The following ZNF777 variants were observed in gnomAD, a reference collection of about 807,000 sequenced individuals.
ZNF777 encodes zinc finger protein 777.
A neutral mutation model predicts 72.1 loss-of-function variants in ZNF777; 7 were observed. The ratio of observed to expected loss-of-function variants is 0.10; its 90% CI spans 0.06 to 0.18. The LOEUF (loss-of-function observed/expected upper bound fraction) is 0.18. Ranked by LOEUF, ZNF777 falls within the 10% of genes least tolerant of loss-of-function variation. The probability of loss-of-function intolerance (pLI) is 1.00; values close to 1 mark genes in which losing one functional copy is unlikely to be tolerated. For missense variants in ZNF777, 828 were observed against 1,128.6 expected, an observed-to-expected ratio of 0.73 and a Z score of 3.82; for synonymous variants, 545 against 483.5, an observed-to-expected ratio of 1.13 and a Z score of -1.67.
At chr7:149,459,649 G>A in intron 1 of ZNF777, 9 of 985,188 alleles carry the variant, frequency 9.1e-6, no homozygotes, top group Non-Finnish European at 1.1e-5. Flanking sequence ...CCGTGCCACG[G>A]ATGCCTTGCT....
Position 149,431,936 on chromosome 7 carries a change from T to G in ZNF777, c.2336A>C (p.His779Pro). The change falls in exon 6 of 6, where the codon CAC becomes CCC. Residue 779 changes from histidine to proline, a missense_variant. By Grantham distance (77) the His-to-Pro change is moderately conservative (BLOSUM62 -2). This residue lies in a region of ZNF777 where 49 missense variants were observed against 135.8 expected (regional missense o/e 0.36). Coordinates refer to ENST00000247930, the MANE Select transcript of ZNF777 (RefSeq NM_015694.3). ...GAAGCGCTTGCCGCACTCGGCGCAGTGGTAGGGCCGCTCGCCTGTGTGGAT... is the reference window on the plus strand; with the variant it reads ...GAAGCGCTTGCCGCACTCGGCGCAGGGGTAGGGCCGCTCGCCTGTGTGGAT... ...RRIHTGERPY[H>P]CAECGKRFTQ... 6.2e-7 allele frequency: 1 copy of G among 1,606,436 alleles called. No individual in the cohort carries two copies. The highest frequency in any genetic ancestry group is 1.1e-5 in the South Asian group (1 of 90,852).
intron 4 of ZNF777, among the ~76,000 whole-genome samples, chr7:149,450,624 C>T (rs903811929): frequency 6.6e-6 from 1 of 152,212 alleles, no homozygotes; most frequent in Non-Finnish European, 1.5e-5. Flanking sequence ...TGCCCCTTAT[C>T]CCTCCACTGA....
In ZNF777 at chr7:149,448,752, C is replaced by T. The variant is rs76507215; in HGVS notation, c.1087+2247G>A. Among the ~76,000 whole-genome samples, 1,111 of 151,884 alleles carry T rather than the reference C, an allele frequency of 7.3e-3. 12 individuals carry two copies. The highest frequency in any genetic ancestry group is 0.023 in the Admixed American group (349 of 15,230). ...TCTGGTTCGCTTTACTCTTTGCCAA[C>T]TTGCTAGGTGAAGATGGTGCCTGGC... is the stretch of plus-strand genomic sequence containing the variant. On this transcript the variant is annotated intron_variant, in intron 4 of 5. Transcript: ENST00000247930.
At position 149,455,733 on chromosome 7, in the gene ZNF777, AG is replaced by A; in HGVS notation, c.289del (p.Leu97TrpfsTer44). On this transcript the variant is annotated frameshift_variant, in exon 2 of 6. Transcript: ENST00000247930. LOFTEE classifies it high-confidence loss of function. This position sits in a 1 kb window ranked among gnomAD's most constrained non-coding sequence, Gnocchi z 4.2. Reference protein sequence around the residue: ...SEQETSLQGPLASQEGTQYPP... With the variant: ...SEQETSLQGPXASQEGTQYPP... The stretch of plus-strand genomic sequence containing the variant: ...ATACTGGGTCCCTTCCTGGGAAGCC[AG>A]GGGGCCCTGGAGAGAAGTCTCTTGC... 6 of 1,582,604 alleles carry A rather than the reference AG, an allele frequency of 3.8e-6. No homozygotes were observed. Among genetic ancestry groups the A allele is most frequent in the South Asian group, 1.1e-5 (1 of 87,004 alleles).
chr7:149,437,804 TC>T (rs1380773724), intron 4 of ZNF777, among the ~76,000 whole-genome samples: 1,875 of 99,884 alleles, frequency 0.019, 49 homozygotes, highest in African/African-American at 0.058. Flanking sequence ...TGTTTCTTTT[TC>T]TTTTTTTTTT....
rs796721387 is a variant in ZNF777, at chr7:149,437,799, C to CTTTTTTTTTTTTTTTTTTTTTTT, written c.1088-974_1088-973insAAAAAAAAAAAAAAAAAAAAAAA. On this transcript the variant is annotated intron_variant, in intron 4 of 5. Transcript: ENST00000247930. ...CACATACACATTTATATGTTTGTTTCTTTTTCTTTTTTTTTTTTTTTTGTC... is the reference window on the plus strand; with the variant it reads ...CACATACACATTTATATGTTTGTTTCTTTTTTTTTTTTTTTTTTTTTTTTTTTTCTTTTTTTTTTTTTTTTGTC... 4.3e-5 allele frequency among the ~76,000 whole-genome samples: 5 copies of CTTTTTTTTTTTTTTTTTTTTTTT among 115,654 alleles called. 1 individual carries two copies. Among genetic ancestry groups the CTTTTTTTTTTTTTTTTTTTTTTT allele is most frequent in the African/African-American group, 6.8e-5 (2 of 29,322 alleles). The allele number at this position is 115,654 out of a possible 152,430, so 75.9% of individuals were successfully genotyped here.
At chr7:149,434,091 T>G (rs1398483012) in intron 5 of ZNF777, among the ~76,000 whole-genome samples, 1 of 152,120 alleles carries the variant, frequency 6.6e-6, no homozygotes, top group Non-Finnish European at 1.5e-5. Flanking sequence ...AAGCAAGAAT[T>G]CTCCCCATTT....
chr7:149,448,076 T>C (rs1443146644), intron 4 of ZNF777, among the ~76,000 whole-genome samples: 1 of 152,224 alleles, frequency 6.6e-6, no homozygotes, highest in Admixed American at 6.5e-5. Context: ...TTTATATTTG[T>C]ACATCTTAAT....
At chr7:149,459,768 G>C in intron 1 of ZNF777, 14 of 984,994 alleles carry the variant, frequency 1.4e-5, no homozygotes, top group Non-Finnish European at 1.7e-5. Context: ...GGCCGGGGAA[G>C]GCTCCGCGGG....
intron 5 of ZNF777, among the ~76,000 whole-genome samples, chr7:149,434,449 G>GC (rs1487654360): frequency 6.6e-6 from 1 of 152,228 alleles, no homozygotes; most frequent in Non-Finnish European, 1.5e-5. Flanking sequence ...GGAGCAGGCA[G>GC]CTGCAGAGTG....
intron 4 of ZNF777, among the ~76,000 whole-genome samples, chr7:149,438,392 C>G (rs1799453566): frequency 6.6e-6 from 1 of 152,198 alleles, no homozygotes; most frequent in Admixed American, 6.5e-5. Context: ...CTTTCCCTAA[C>G]AGAAGAACAT....
At chr7:149,440,465 C>T (rs1799489512) in intron 4 of ZNF777, among the ~76,000 whole-genome samples, 1 of 152,088 alleles carries the variant, frequency 6.6e-6, no homozygotes, top group African/African-American at 2.4e-5. Flanking sequence ...CTCAAACCAC[C>T]TGCCACCTCA....
At chr7:149,437,799 CTTTTTCTT>C (rs1364220600) in intron 4 of ZNF777, among the ~76,000 whole-genome samples, 6 of 115,654 alleles carry the variant, frequency 5.2e-5, no homozygotes, top group African/African-American at 1.0e-4. Context: ...ATGTTTGTTT[CTTTTTCTT>C]TTTTTTTTTT....
intron 4 of ZNF777, among the ~76,000 whole-genome samples, chr7:149,440,826 C>A (rs1252191381): frequency 2.6e-5 from 4 of 151,998 alleles, no homozygotes; most frequent in Non-Finnish European, 5.9e-5. Flanking sequence ...TGTATTATGT[C>A]CCTCTTGGGG....
In ZNF777 at chr7:149,448,510, T is replaced by TATAAAA. The variant is rs1351675498; in HGVS notation, c.1087+2488_1087+2489insTTTTAT. Among the ~76,000 whole-genome samples the TATAAAA allele has an allele frequency of 7.2e-4, 88 of 122,338 alleles. 7 individuals carry two copies. Among genetic ancestry groups the TATAAAA allele is most frequent in the African/African-American group, 3.1e-3 (82 of 26,352 alleles). The allele number at this position is 122,338 out of a possible 152,430, so 80.3% of individuals were successfully genotyped here. A position where few individuals can be genotyped will look rare whatever the true frequency, so the allele number is the denominator to read the frequency against. The stretch of plus-strand genomic sequence containing the variant: ...CTATATATATATATATATATATATA[T>TATAAAA]AACTATATATAGTTATACATATAGT... On this transcript the variant is annotated intron_variant, in intron 4 of 5. Transcript: ENST00000247930.
chr7:149,443,704 T>G (rs1252012152), intron 4 of ZNF777, among the ~76,000 whole-genome samples: 1 of 152,198 alleles, frequency 6.6e-6, no homozygotes, highest in Non-Finnish European at 1.5e-5. Flanking sequence ...TGCCTTAGCC[T>G]CCTGAGTAGC....
At chr7:149,439,646 A>G (rs1398463307) in intron 4 of ZNF777, among the ~76,000 whole-genome samples, 1 of 152,210 alleles carries the variant, frequency 6.6e-6, no homozygotes, top group East Asian at 1.9e-4. Flanking sequence ...TTATCCTAAT[A>G]GAACATATTT....
At position 149,436,534 on chromosome 7, in the gene ZNF777, T is replaced by C; in HGVS notation, c.1339+41A>G. The stretch of plus-strand genomic sequence containing the variant: ...GGGGGCAGGGGCCCTCTGGGAGGCC[T>C]CATGGCAACCCTTCCCCGGCCGTCC... On this transcript the variant is annotated intron_variant, in intron 5 of 5. Transcript: ENST00000247930. The surrounding 1 kb of genome is among the most constrained non-coding windows in gnomAD (Gnocchi z 5.0). 1 of 1,549,082 alleles carries C rather than the reference T, an allele frequency of 6.5e-7. No individual in the cohort carries two copies. The highest frequency in any genetic ancestry group is 8.7e-7 in the Non-Finnish European group (1 of 1,146,436).
chr7:149,431,752 G>T lies in ZNF777; in HGVS notation c.*24C>A. 1 of 1,431,036 alleles carries T rather than the reference G, an allele frequency of 7.0e-7. No homozygotes were observed. The highest frequency in any genetic ancestry group is 9.1e-7 in the Non-Finnish European group (1 of 1,101,550). 88.6% of individuals were successfully genotyped at this position (1,431,036 alleles called of 1,614,324 possible). ...GGGGGCACGGCCCGCGCACCTGGCCGGGCGGCGGCGGCGGGGCGCGCGCTC... is the reference window on the plus strand; with the variant it reads ...GGGGGCACGGCCCGCGCACCTGGCCTGGCGGCGGCGGCGGGGCGCGCGCTC... On this transcript the variant is annotated 3_prime_UTR_variant, in exon 6 of 6. Transcript: ENST00000247930.
Sources: allele counts gnomAD v4.1 joint callset (sites outside exome capture counted in the v4.1 genomes callset), GRCh38; gene constraint gnomAD v4.1.1; regional missense constraint gnomAD v4.1.1; non-coding constraint Gnocchi (gnomAD v3.1); transcripts MANE v1.5; gene names NCBI Gene and HGNC (gene_info 2026-07-23, HGNC 2026-07-21).